The following FSIP2 variants were observed in gnomAD, a reference collection of about 807,000 sequenced individuals.
The protein encoded by FSIP2 is fibrous sheath interacting protein 2.
Under a neutral mutation model 510.5 loss-of-function variants are expected in FSIP2, and 367 were observed. The ratio of observed to expected loss-of-function variants is 0.72; its 90% CI spans 0.66 to 0.78. FSIP2 has a LOEUF of 0.78. Among genes scored for constraint, FSIP2 ranks in the 30% least tolerant of loss-of-function variants. FSIP2 has a pLI of 0.00. For missense variants in FSIP2, 7,594 were observed against 7,901.7 expected, an observed-to-expected ratio of 0.96 and a Z score of 1.48; for synonymous variants, 2,601 against 2,732.2, an observed-to-expected ratio of 0.95 and a Z score of 1.50.
In FSIP2 at chr2:185,802,939, G is replaced by T. The variant is rs1211027279; in HGVS notation, c.13633G>T (p.Asp4545Tyr). Residue 4545 changes from aspartate to tyrosine, a missense_variant, in exon 17 of 23, where the codon GAT (aspartate) becomes TAT (tyrosine). Coordinates refer to ENST00000424728, the MANE Select transcript of FSIP2 (RefSeq NM_173651.4). ...AGAAGATGATATTCAGCACCTTGTT[G>T]ATTCAGTATTTGCAAATGTTGTGCA... ...YSEDDIQHLVDSVFANVVQTS... is the reference protein window; with the variant it reads ...YSEDDIQHLVYSVFANVVQTS... 2.0e-6 allele frequency: 3 copies of T among 1,516,726 alleles called. No homozygotes were observed. The African/African-American group carries it at 4.2e-5, about 21-fold the overall frequency. The allele number at this position is 1,516,726 out of a possible 1,614,324, so 94.0% of individuals were successfully genotyped here.
intron 17 of FSIP2, among the ~76,000 whole-genome samples, chr2:185,812,157 A>G (rs1254030582): frequency 1.3e-4 from 20 of 152,094 alleles, no homozygotes; most frequent in Admixed American, 1.0e-3. Flanking sequence ...GCACTCAGCA[A>G]CCTCTAAGAG....
intron 13 of FSIP2, among the ~76,000 whole-genome samples, chr2:185,771,973 A>G (rs193189562): frequency 2.0e-4 from 30 of 152,304 alleles, no homozygotes; most frequent in African/African-American, 7.2e-4. Context: ...TGTTCTGCCA[A>G]ATACTGTAAG....
chr2:185,776,353 A>G (rs1225173163), intron 13 of FSIP2, among the ~76,000 whole-genome samples: 1 of 152,172 alleles, frequency 6.6e-6, no homozygotes, highest in Non-Finnish European at 1.5e-5. Flanking sequence ...TGTACAACTC[A>G]ACACTGTACA....
Position 185,800,802 on chromosome 2 carries a change from C to T in FSIP2, c.11496C>T (p.Asp3832=). 1 of 1,534,276 alleles carries T rather than the reference C, an allele frequency of 6.5e-7. No homozygotes were observed. The highest frequency in any genetic ancestry group is 8.7e-7 in the Non-Finnish European group (1 of 1,145,602). The change falls in exon 17 of 23, where the codon GAC becomes GAT. Residue 3832 remains aspartate, a synonymous_variant. Transcript: ENST00000424728. ...AGAATGTGGCAGAAATTGATCAAGA[C>T]TTATTGACATCAGACTCTATGCTTA... The part of the protein sequence containing the change: ...LLENVAEIDQ[D]LLTSDSMLTI...
chr2:185,774,822 A>T lies in FSIP2; in HGVS notation c.1412-7883A>T, dbSNP rs1159399394. On this transcript the variant is annotated intron_variant, in intron 13 of 22. Transcript: ENST00000424728. Reference sequence around the variant, plus strand: ...GTTCAATTCCCACCTATGAGTGAGAATATGCAGTGTTTGGTTTTTTGTTCC... The same window carrying T: ...GTTCAATTCCCACCTATGAGTGAGATTATGCAGTGTTTGGTTTTTTGTTCC... Among the ~76,000 whole-genome samples, 43 of 87,110 alleles carry T rather than the reference A, an allele frequency of 4.9e-4. 1 individual carries two copies. The East Asian group carries it at 0.013, about 26-fold the overall frequency. The allele number at this position is 87,110 out of a possible 152,430, so 57.1% of individuals were successfully genotyped here.
At position 185,791,146 on chromosome 2, in the gene FSIP2, C is replaced by CTGA. The variant is rs1318498364; in HGVS notation, c.4012_4014dup (p.Asp1338dup). On this transcript the variant is annotated inframe_insertion, in exon 16 of 23. Coordinates refer to ENST00000424728, the MANE Select transcript of FSIP2 (RefSeq NM_173651.4). ...ACAGATAAAGGATTTTTTGCTAATA[C>CTGA]TGATAAAAAATTAGAATCTCTTGTC... 1 of 1,532,908 alleles carries CTGA rather than the reference C, an allele frequency of 6.5e-7. No homozygotes were observed. The highest frequency in any genetic ancestry group is 8.7e-7 in the Non-Finnish European group (1 of 1,144,862). 95.0% of individuals were successfully genotyped at this position (1,532,908 alleles called of 1,614,324 possible). A position where few individuals can be genotyped will look rare whatever the true frequency, so the allele number is the denominator to read the frequency against.
chr2:185,783,249 G>C (rs1237757366), intron 14 of FSIP2, among the ~76,000 whole-genome samples: 1 of 152,098 alleles, frequency 6.6e-6, no homozygotes, highest in Non-Finnish European at 1.5e-5. Context: ...GCACTTAGAA[G>C]AGATAGTTGT....
chr2:185,781,489 A>C (rs1692848537), intron 13 of FSIP2, among the ~76,000 whole-genome samples: 1 of 152,158 alleles, frequency 6.6e-6, no homozygotes, highest in Admixed American at 6.5e-5. Context: ...GCATCTGTAT[A>C]TTTTTAGGAG....
rs1284330324 is a variant in FSIP2, at chr2:185,804,098, C to A, written c.14792C>A (p.Ala4931Glu). ...AAVDQTYKLK[A>E]IDPKQRELSF... ...GTTGATCAAACTTATAAATTGAAAG[C>A]AATAGATCCTAAACAAAGAGAATTA... is the stretch of plus-strand genomic sequence containing the variant. Residue 4931 changes from alanine (A) to glutamate (E), a missense_variant, in exon 17 of 23, where the codon GCA becomes GAA. Ala to Glu is a moderately radical substitution (Grantham distance 107, BLOSUM62 -1). Transcript: ENST00000424728. 1 of 1,527,364 alleles carries A rather than the reference C, an allele frequency of 6.5e-7. No individual in the cohort carries two copies. Among genetic ancestry groups the A allele is most frequent in the East Asian group, 2.5e-5 (1 of 40,664 alleles). 94.6% of individuals were successfully genotyped at this position (1,527,364 alleles called of 1,614,324 possible). A position where few individuals can be genotyped will look rare whatever the true frequency, so the allele number is the denominator to read the frequency against.
chr2:185,789,221 C>CTT lies in FSIP2; in HGVS notation c.2087_2088dup (p.Lys697LeufsTer5). 6.5e-7 allele frequency: 1 copy of CTT among 1,534,310 alleles called. No individual in the cohort carries two copies. The highest frequency in any genetic ancestry group is 8.7e-7 in the Non-Finnish European group (1 of 1,145,656). ...AGAATTTAAAAAATGTTTTTGTTAACTTTAAATGTTACTTGAAAGGGGAAA... is the reference window on the plus strand; with the variant it reads ...AGAATTTAAAAAATGTTTTTGTTAACTTTTTAAATGTTACTTGAAAGGGGAAA... On this transcript the variant is annotated frameshift_variant, in exon 16 of 23. Transcript: ENST00000424728. LOFTEE classifies it high-confidence loss of function.
chr2:185,738,374 A>T (rs1030325252), upstream of FSIP2: 4 of 517,680 alleles, frequency 7.7e-6, no homozygotes, highest in Non-Finnish European at 1.4e-5. Flanking sequence ...AAGAGGCAGG[A>T]GGAAGGCAAT....
intron 19 of FSIP2, among the ~76,000 whole-genome samples, chr2:185,820,740 C>G (rs1693900161): frequency 6.6e-6 from 1 of 151,160 alleles, no homozygotes; most frequent in Non-Finnish European, 1.5e-5. Flanking sequence ...ACTTATGGGT[C>G]AAAGAAGAAA....
At position 185,807,877 on chromosome 2, in the gene FSIP2, TTATC is replaced by T; in HGVS notation, c.18575_18578del (p.Ser6192TyrfsTer13). 1 of 1,606,140 alleles carries T rather than the reference TTATC, an allele frequency of 6.2e-7. No individual in the cohort carries two copies. Among genetic ancestry groups the T allele is most frequent in the Non-Finnish European group, 8.5e-7 (1 of 1,177,206 alleles). On this transcript the variant is annotated frameshift_variant, in exon 17 of 23. Transcript: ENST00000424728. LOFTEE classifies it high-confidence loss of function. ...TGCTGTGAAATTTTTATCAAAGCTT[TTATC>T]TATATTTCCAAAAGTACATAAAGAA...
At chr2:185,784,073 G>A (rs1368806156) in intron 14 of FSIP2, 1 of 152,140 alleles carries the variant, frequency 6.6e-6, no homozygotes, top group Admixed American at 6.5e-5. Flanking sequence ...GTTTGCTGTG[G>A]AAGCCTCACA....
intron 22 of FSIP2, 41 bp downstream of exon 22, chr2:185,831,923 G>A: frequency 5.1e-6 from 6 of 1,171,478 alleles, no homozygotes; most frequent in Non-Finnish European, 6.4e-6. Flanking sequence ...TAATTAAACT[G>A]TCAATTGCAT....
At chr2:185,753,470 C>T (rs1015059325) in intron 7 of FSIP2, among the ~76,000 whole-genome samples, 3 of 151,226 alleles carry the variant, frequency 2.0e-5, no homozygotes, top group Non-Finnish European at 3.0e-5. Context: ...AATAAGATAC[C>T]CTGTCTGATC....
At chr2:185,750,223 A>G (rs1692115075) in intron 7 of FSIP2, among the ~76,000 whole-genome samples, 1 of 151,564 alleles carries the variant, frequency 6.6e-6, no homozygotes, top group Non-Finnish European at 1.5e-5. Flanking sequence ...ATTATTTTAG[A>G]ATTGGTATTG....
Position 185,803,497 on chromosome 2 carries a change from A to G in FSIP2, c.14191A>G (p.Thr4731Ala). 1.3e-6 allele frequency: 2 copies of G among 1,531,670 alleles called. No homozygotes were observed. The highest frequency in any genetic ancestry group is 8.7e-7 in the Non-Finnish European group (1 of 1,144,530). The allele number at this position is 1,531,670 out of a possible 1,614,324, so 94.9% of individuals were successfully genotyped here. A position where few individuals can be genotyped will look rare whatever the true frequency, so the allele number is the denominator to read the frequency against. Residue 4731 changes from threonine (T) to alanine (A), a missense_variant, in exon 17 of 23, where the codon ACT becomes GCT. Physicochemically the swap from Thr to Ala is moderately conservative, Grantham distance 58. Transcript: ENST00000424728. ...NDTKTLAARI[T>A]NIILAEIFDF... Reference sequence around the variant, plus strand: ...CACAAAGACATTGGCTGCAAGAATAACTAATATCATCCTGGCTGAAATTTT... The same window carrying G: ...CACAAAGACATTGGCTGCAAGAATAGCTAATATCATCCTGGCTGAAATTTT...
At position 185,793,631 on chromosome 2, in the gene FSIP2, T is replaced by C; in HGVS notation, c.6495T>C (p.His2165=). 10 of 1,534,428 alleles carry C rather than the reference T, an allele frequency of 6.5e-6. No homozygotes were observed. The highest frequency in any genetic ancestry group is 8.7e-6 in the Non-Finnish European group (10 of 1,145,598). ...ATGATATAGTGAATATTGTTCTTCATAATCTCAGTTCTGCTGCCACGCTTG... is the reference window on the plus strand; with the variant it reads ...ATGATATAGTGAATATTGTTCTTCACAATCTCAGTTCTGCTGCCACGCTTG... ...ISNDIVNIVL[H]NLSSAATLVI... is the part of the protein sequence containing the mutation. Residue 2165 remains histidine (H), a synonymous_variant, in exon 16 of 23, where the codon CAT becomes CAC. Transcript: ENST00000424728.
Sources: gnomAD v4.1 joint callset for allele counts (sites outside exome capture counted in the v4.1 genomes callset) on GRCh38, gnomAD v4.1.1 for gene constraint, MANE v1.5 for transcripts, NCBI Gene and HGNC (gene_info 2026-07-23, HGNC 2026-07-21) for gene names.